NLK: variants seen among roughly 807,000 people sequenced by gnomAD.
NLK encodes nemo like kinase, also known as serine/threonine-protein kinase NLK.
Under a neutral mutation model 59.0 loss-of-function variants are expected in NLK, and 11 were observed. The observed-to-expected ratio is 0.19, with a 90% CI of 0.12 to 0.31. The LOEUF (loss-of-function observed/expected upper bound fraction) is 0.31, where lower values mean the gene tolerates loss of function less well. NLK is among the 10% of genes least tolerant of loss of function. The probability of loss-of-function intolerance (pLI) is 1.00; values close to 1 mark genes in which losing one functional copy is unlikely to be tolerated. For synonymous variants in NLK, 235 were observed against 235.9 expected (o/e 1.00, Z 0.03); for missense variants, 410 against 661.1 (o/e 0.62, Z 4.16).
chr17:28,186,296 T>C (rs1909113857), intron 8 of NLK, among the ~76,000 whole-genome samples: 1 of 152,204 alleles, frequency 6.6e-6, no homozygotes, highest in South Asian at 2.1e-4. Flanking sequence ...AAAATAATTC[T>C]GTTAAGGAGT....
chr17:28,120,260 GTGTGTGTGTGTGTA>G (rs1905978670), intron 1 of NLK, among the ~76,000 whole-genome samples: 1 of 151,390 alleles, frequency 6.6e-6, no homozygotes, highest in African/African-American at 2.4e-5. Context: ...GTGTGTGTGT[GTGTGTGTGTGTGTA>G]TGTGTGTGTG....
At chr17:28,073,485 C>T (rs1481311257) in intron 1 of NLK, among the ~76,000 whole-genome samples, 1 of 152,188 alleles carries the variant, frequency 6.6e-6, no homozygotes, top group African/African-American at 2.4e-5. Context: ...TTCTGCTCTC[C>T]AGGAATTTCT....
At chr17:28,201,585 C>T in the NLK span, among the ~76,000 whole-genome samples, 1 of 151,988 alleles carries the variant, frequency 6.6e-6, no homozygotes, top group South Asian at 2.1e-4. Flanking sequence ...AAACAAAATA[C>T]TAGCCAATTG....
the NLK span, among the ~76,000 whole-genome samples, chr17:28,203,156 T>TACACACACACACACACACACAC: frequency 3.1e-5 from 4 of 129,352 alleles, no homozygotes; most frequent in African/African-American, 1.4e-4. Flanking sequence ...TGAATGTATA[T>TACACACACACACACACACACAC]ACATACATAC....
At chr17:28,200,139 A>G (rs548457609), downstream of NLK, among the ~76,000 whole-genome samples, 1 of 152,266 alleles carries the variant, frequency 6.6e-6, no homozygotes, top group African/African-American at 2.4e-5. Context: ...ATTGTCTTTT[A>G]TAGAACAAAA....
chr17:28,058,328 C>CT (rs1246505840), intron 1 of NLK, among the ~76,000 whole-genome samples: 7 of 152,212 alleles, frequency 4.6e-5, no homozygotes, highest in Admixed American at 3.9e-4. Flanking sequence ...TTATCAACAT[C>CT]TATCAGCTTG....
chr17:28,128,448 A>AGACT (rs1906378684), intron 2 of NLK, among the ~76,000 whole-genome samples: 1 of 152,188 alleles, frequency 6.6e-6, no homozygotes, highest in Non-Finnish European at 1.5e-5. Flanking sequence ...GATATTTTTC[A>AGACT]GACTGAGTTA....
At chr17:28,131,598 A>G (rs1294351313) in intron 2 of NLK, among the ~76,000 whole-genome samples, 2 of 131,020 alleles carry the variant, frequency 1.5e-5, no homozygotes. Context: ...AAAAAAAAAA[A>G]AAAAAAAAAA....
At chr17:28,084,129 C>T (rs1271072497) in intron 1 of NLK, among the ~76,000 whole-genome samples, 7 of 152,308 alleles carry the variant, frequency 4.6e-5, no homozygotes, top group African/African-American at 1.7e-4. Flanking sequence ...CCTAGCTTGC[C>T]TCCTAAATTC....
chr17:28,120,145 A>G (rs1193993198), intron 1 of NLK, among the ~76,000 whole-genome samples: 2 of 152,186 alleles, frequency 1.3e-5, no homozygotes, highest in Non-Finnish European at 2.9e-5. Context: ...AAGTACTTCT[A>G]ACTAATAGTC....
rs762851410 is a variant in NLK, at chr17:28,043,083, G to A, written c.210G>A (p.Ser70=). ...AVHPVQQHTS[S]AAAAAAAAAA... ...ACCCTGTACAGCAGCACACCTCTTC[G>A]GCAGCTGCGGCAGCCGCAGCAGCGG... The change falls in exon 1 of 11, where the codon TCG becomes TCA. Residue 70 remains serine (S), a synonymous_variant. Transcript: ENST00000407008. The A allele has an allele frequency of 3.3e-5, 52 of 1,572,660 alleles. No homozygotes were observed. Among genetic ancestry groups the A allele is most frequent in the Non-Finnish European group, 4.3e-5 (50 of 1,158,736 alleles).
chr17:28,068,508 T>G (rs769467878), intron 1 of NLK, among the ~76,000 whole-genome samples: 33 of 152,180 alleles, frequency 2.2e-4, no homozygotes, highest in Non-Finnish European at 4.4e-4. Flanking sequence ...AATATGTGGT[T>G]TGCGTGATTG....
chr17:28,123,014 T>G (rs1464456968), intron 2 of NLK, among the ~76,000 whole-genome samples: 1 of 152,164 alleles, frequency 6.6e-6, no homozygotes, highest in Non-Finnish European at 1.5e-5. Context: ...TATATACTCT[T>G]TATGTCTCTC....
chr17:28,135,198 A>T (rs1399751947), intron 3 of NLK, among the ~76,000 whole-genome samples: 1 of 152,204 alleles, frequency 6.6e-6, no homozygotes, highest in African/African-American at 2.4e-5. Flanking sequence ...CCTTTATTAA[A>T]TATGAATTTT....
intron 3 of NLK, among the ~76,000 whole-genome samples, chr17:28,155,302 A>G (rs981377660): frequency 3.9e-5 from 6 of 152,178 alleles, no homozygotes; most frequent in South Asian, 2.1e-4. Context: ...GAGGATGTGG[A>G]GAAATAGGAA....
At chr17:28,050,393 TGAG>T (rs573299040) in intron 1 of NLK, among the ~76,000 whole-genome samples, 189 of 152,242 alleles carry the variant, frequency 1.2e-3, no homozygotes, top group African/African-American at 4.3e-3. Context: ...ATGTCATGCT[TGAG>T]GCACTAAAAA....
intron 3 of NLK, among the ~76,000 whole-genome samples, chr17:28,160,863 T>C (rs1382590433): frequency 6.6e-6 from 1 of 152,242 alleles, no homozygotes; most frequent in Non-Finnish European, 1.5e-5. Flanking sequence ...TTGGTCGTCA[T>C]ACTTTTCCTG....
At chr17:28,206,009 T>C in the NLK span, among the ~76,000 whole-genome samples, 1 of 152,328 alleles carries the variant, frequency 6.6e-6, no homozygotes, top group East Asian at 1.9e-4. Context: ...TTTCTGTATG[T>C]ATATGTATAT....
intron 8 of NLK, among the ~76,000 whole-genome samples, chr17:28,189,368 A>G (rs1226662222): frequency 1.3e-5 from 2 of 152,228 alleles, no homozygotes; most frequent in African/African-American, 2.4e-5. Flanking sequence ...GAAAATGTCA[A>G]AAAGTCCTGC....
Sources: allele counts gnomAD v4.1 joint callset (sites outside exome capture counted in the v4.1 genomes callset), GRCh38; gene constraint gnomAD v4.1.1; transcripts MANE v1.5; gene names NCBI Gene and HGNC (gene_info 2026-07-23, HGNC 2026-07-21).